PCDHA10: variants seen among roughly 807,000 people sequenced by gnomAD.
The protein encoded by PCDHA10 is protocadherin alpha 10.
In PCDHA10, 45 loss-of-function variants were observed where a neutral mutation model predicts 61.2. That is an observed-to-expected ratio of 0.74 (90% CI 0.58 to 0.94). The LOEUF is 0.94. PCDHA10 is among the 40% of genes least tolerant of loss of function. The pLI, the probability that PCDHA10 is intolerant of heterozygous loss-of-function variation, is 0.00. For synonymous variants in PCDHA10, 602 were observed against 548.8 expected (o/e 1.10, Z -1.35); for missense variants, 1,278 against 1,236.2 (o/e 1.03, Z -0.51).
rs1554202543 is a variant in PCDHA10 at position 140,925,106 on chromosome 5, G to GA, written c.2389-53842dup. The stretch of plus-strand genomic sequence containing the variant: ...GAAAGGAAGGAAGGAAGGAAGGAAG[G>GA]AGGGAAGGAAGGAAGGAAAAAAAAT... On this transcript the variant is annotated intron_variant, in intron 1 of 3. Coordinates refer to ENST00000307360, the MANE Select transcript of PCDHA10 (RefSeq NM_018901.4). Among the ~76,000 whole-genome samples the GA allele has an allele frequency of 6.6e-3, 1,003 of 151,180 alleles. 6 individuals are homozygous for GA. Among genetic ancestry groups the GA allele is most frequent in the African/African-American group, 0.017 (687 of 41,108 alleles).
chr5:140,892,408 G>C (rs1323060042), intron 1 of PCDHA10, among the ~76,000 whole-genome samples: 1 of 152,054 alleles, frequency 6.6e-6, no homozygotes, highest in Non-Finnish European at 1.5e-5. Context: ...TCAAGCTTCA[G>C]GTATTCTAGA....
intron 3 of PCDHA10, among the ~76,000 whole-genome samples, chr5:140,995,650 A>T (rs1166713964): frequency 6.6e-6 from 1 of 152,182 alleles, no homozygotes; most frequent in Non-Finnish European, 1.5e-5. Context: ...GAAAAGGAGA[A>T]TCGAAAAGGG....
At chr5:140,879,672 G>C (rs1256239319) in intron 1 of PCDHA10, among the ~76,000 whole-genome samples, 1 of 152,160 alleles carries the variant, frequency 6.6e-6, no homozygotes, top group East Asian at 1.9e-4. Flanking sequence ...ACACAAACTG[G>C]GTGCTGTAAA....
rs782413551 is a variant in PCDHA10, at chr5:141,009,873, A to G, written c.2783A>G (p.Lys928Arg). Residue 928 changes from lysine to arginine, a missense_variant, in exon 4 of 4, where the codon AAG becomes AGG. By Grantham distance (26) the Lys-to-Arg change is conservative. Coordinates refer to ENST00000307360, the MANE Select transcript of PCDHA10 (RefSeq NM_018901.4). ...EETKKKKKKK[K>R]GNKTQEKKEK... The stretch of plus-strand genomic sequence containing the variant: ...ACCAAGAAAAAGAAGAAAAAGAAGA[A>G]GGGTAACAAGACCCAGGAGAAAAAA... 6.2e-7 allele frequency: 1 copy of G among 1,614,034 alleles called. No individual in the cohort carries two copies. The highest frequency in any genetic ancestry group is 8.5e-7 in the Non-Finnish European group (1 of 1,180,008).
chr5:140,856,784 T>C lies in PCDHA10; in HGVS notation c.736T>C (p.Tyr246His). 1.3e-6 allele frequency: 2 copies of C among 1,596,522 alleles called. No individual in the cohort carries two copies. Among genetic ancestry groups the C allele is most frequent in the Non-Finnish European group, 1.7e-6 (2 of 1,166,530 alleles). Reference protein sequence around the residue: ...DNAPIFDRPVYEVKMYENQVN... With the variant: ...DNAPIFDRPVHEVKMYENQVN... ...CGCCCCTATCTTTGACAGACCGGTT[T>C]ATGAAGTTAAGATGTATGAAAATCA... Residue 246 changes from tyrosine to histidine, a missense_variant, in exon 1 of 4, where the codon TAT becomes CAT. Physicochemically the swap from Tyr to His is moderately conservative, Grantham distance 83 (BLOSUM62 2). Coordinates refer to ENST00000307360, the MANE Select transcript of PCDHA10 (RefSeq NM_018901.4).
intron 1 of PCDHA10, among the ~76,000 whole-genome samples, chr5:140,962,388 C>T (rs782676502): frequency 5.9e-5 from 9 of 152,254 alleles, no homozygotes; most frequent in South Asian, 4.1e-4. Flanking sequence ...GTTAATATTA[C>T]GCAATCTGCC....
chr5:140,966,767 A>G, intron 1 of PCDHA10: 1 of 1,484,362 alleles, frequency 6.7e-7, no homozygotes, highest in Non-Finnish European at 8.9e-7. Context: ...GCCAGTGGCT[A>G]TGGAGCAGGC....
chr5:140,914,771 ACTTAT>A (rs1394572780), intron 1 of PCDHA10, among the ~76,000 whole-genome samples: 1 of 151,760 alleles, frequency 6.6e-6, no homozygotes, highest in Non-Finnish European at 1.5e-5. Context: ...GAGGTTTATG[ACTTAT>A]CTTATGACCC....
Position 140,857,819 on chromosome 5 carries a change from G to A in PCDHA10, c.1771G>A (p.Ala591Thr). 1 of 1,597,752 alleles carries A rather than the reference G, an allele frequency of 6.3e-7. No homozygotes were observed. The highest frequency in any genetic ancestry group is 8.6e-7 in the Non-Finnish European group (1 of 1,167,566). The change falls in exon 1 of 4, where the codon GCT (alanine) becomes ACT (threonine). Residue 591 changes from alanine to threonine, a missense_variant. By Grantham distance (58) the Ala-to-Thr change is moderately conservative. Transcript: ENST00000307360. ...GTCGGTGGTTGCGGGTCACGTGGTG[G>A]CTAAGGTGCGCGCAGTGGACGCTGA... The part of the protein sequence containing the change: ...LRSVVAGHVV[A>T]KVRAVDADSG...
At chr5:140,966,655 G>C in intron 1 of PCDHA10, 1 of 1,195,250 alleles carries the variant, frequency 8.4e-7, no homozygotes, top group South Asian at 2.0e-5. Context: ...CGTGAGCGGT[G>C]GGGGAGCAGG....
chr5:140,932,687 T>A (rs1285364025), intron 1 of PCDHA10, among the ~76,000 whole-genome samples: 2 of 151,810 alleles, frequency 1.3e-5, no homozygotes, highest in Non-Finnish European at 2.9e-5. Context: ...TATATTCAAA[T>A]TAAAAAACTC....
chr5:140,952,444 A>C (rs2094747203), intron 1 of PCDHA10, among the ~76,000 whole-genome samples: 2 of 152,178 alleles, frequency 1.3e-5, no homozygotes. Flanking sequence ...GGCATAATAC[A>C]GCCAGGCTCT....
At chr5:140,928,292 T>G in intron 1 of PCDHA10, 1 of 1,614,086 alleles carries the variant, frequency 6.2e-7, no homozygotes, top group Middle Eastern at 1.6e-4. Flanking sequence ...CTAGGCCGAG[T>G]GTTTGCCCAG....
At chr5:140,905,950 T>C (rs2072233262) in intron 1 of PCDHA10, among the ~76,000 whole-genome samples, 1 of 152,206 alleles carries the variant, frequency 6.6e-6, no homozygotes, top group Non-Finnish European at 1.5e-5. Flanking sequence ...TGGAATCCGA[T>C]GTTCAAGGGG....
intron 1 of PCDHA10, among the ~76,000 whole-genome samples, chr5:140,933,901 C>T (rs1218971055): frequency 4.0e-5 from 6 of 151,882 alleles, no homozygotes; most frequent in African/African-American, 1.2e-4. Context: ...AATATTTTGG[C>T]ATAAAGTTGT....
chr5:140,894,354 TTTC>T (rs1477056787), intron 1 of PCDHA10, among the ~76,000 whole-genome samples: 2 of 152,070 alleles, frequency 1.3e-5, no homozygotes, highest in Admixed American at 1.3e-4. Context: ...TTACTTCAGA[TTTC>T]TTCTTCAATG....
chr5:140,918,175 CT>C (rs1429626043), intron 1 of PCDHA10, among the ~76,000 whole-genome samples: 2 of 152,076 alleles, frequency 1.3e-5, no homozygotes, highest in Non-Finnish European at 2.9e-5. Context: ...GCATTGTGTT[CT>C]TGATTTGGCC....
At position 141,011,477 on chromosome 5, in the gene PCDHA10, T is replaced by C. The variant is rs1256394490; in HGVS notation, c.*1540T>C. 2 of 153,818 alleles carry C rather than the reference T, an allele frequency of 1.3e-5. No homozygotes were observed. Among genetic ancestry groups the C allele is most frequent in the Non-Finnish European group, 2.9e-5 (2 of 68,052 alleles). The allele number at this position is 153,818 out of a possible 1,614,324, so 9.5% of individuals were successfully genotyped here. ...TTTATTGTTGAATGTAATTCCATTA[T>C]ATTTCCTTTTGTACACCTGTGAAAA... On this transcript the variant is annotated 3_prime_UTR_variant, in exon 4 of 4. Transcript: ENST00000307360.
In PCDHA10 at chr5:140,857,333, G is replaced by A. The variant is rs200210897; in HGVS notation, c.1285G>A (p.Gly429Arg). 35 of 1,598,586 alleles carry A rather than the reference G, an allele frequency of 2.2e-5. 1 individual carries two copies. The highest frequency in any genetic ancestry group is 4.4e-5 in the South Asian group (4 of 90,524). The change falls in exon 1 of 4, where the codon GGG becomes AGG. Residue 429 changes from glycine to arginine, a missense_variant. Coordinates refer to ENST00000307360, the MANE Select transcript of PCDHA10 (RefSeq NM_018901.4). ...AYELVVTARD[G>R]GSPPLWATAS... ...TGAGCTGGTGGTGACCGCGCGGGAC[G>A]GGGGCTCGCCTCCGCTGTGGGCCAC... is the stretch of plus-strand genomic sequence containing the variant.
Sources: gnomAD v4.1 joint callset for allele counts (sites outside exome capture counted in the v4.1 genomes callset) on GRCh38, gnomAD v4.1.1 for gene constraint, MANE v1.5 for transcripts, NCBI Gene and HGNC (gene_info 2026-07-23, HGNC 2026-07-21) for gene names.